SSH2: variants seen among roughly 807,000 people sequenced by gnomAD.
The protein encoded by SSH2 is slingshot protein phosphatase 2, also known as protein phosphatase Slingshot homolog 2.
Under a neutral mutation model 135.2 loss-of-function variants are expected in SSH2, and 37 were observed. The observed-to-expected ratio is 0.27, with a 90% confidence interval of 0.21 to 0.36. The LOEUF (loss-of-function observed/expected upper bound fraction) is 0.36, where lower values mean the gene tolerates loss of function less well. Ranked by LOEUF, SSH2 falls within the 10% of genes least tolerant of loss-of-function variation. SSH2 has a pLI of 1.00. For missense variants in SSH2, 1,408 were observed against 1,765.3 expected (o/e 0.80, Z 3.63); for synonymous variants, 628 against 646.2 (o/e 0.97, Z 0.43).
intron 8 of SSH2, chr17:29,674,066 GCATATTGGCAAATCA>G (rs1216419951): frequency 2.2e-6 from 1 of 456,572 alleles, no homozygotes. Flanking sequence ...AAATGATAAG[GCATATTGGCAAATCA>G]CTCTCCAGAA....
chr17:29,761,840 C>CGTGTGT (rs777352798), intron 3 of SSH2, among the ~76,000 whole-genome samples: 14,211 of 131,604 alleles, frequency 0.11, 895 homozygotes, highest in Non-Finnish European at 0.12. Flanking sequence ...CACTCACATA[C>CGTGTGT]ATATGTGTGT....
intron 3 of SSH2, among the ~76,000 whole-genome samples, chr17:29,761,843 A>ATGTGTGTGTGTGTGTGTG (rs752691137): frequency 1.1e-3 from 158 of 142,504 alleles, no homozygotes; most frequent in African/African-American, 4.2e-3. Flanking sequence ...TCACATACAT[A>ATGTGTGTGTGTGTGTGTG]TGTGTGTGTG....
At chr17:29,854,673 C>T (rs2065629935) in intron 1 of SSH2, among the ~76,000 whole-genome samples, 1 of 151,908 alleles carries the variant, frequency 6.6e-6, no homozygotes, top group Non-Finnish European at 1.5e-5. Flanking sequence ...AGAGGCCGGG[C>T]ACGGTGGCTC....
chr17:29,715,493 C>T (rs1167098596), intron 3 of SSH2, among the ~76,000 whole-genome samples: 7 of 152,024 alleles, frequency 4.6e-5, no homozygotes, highest in Non-Finnish European at 1.0e-4. Flanking sequence ...GATCCACCTG[C>T]CTCAGCCTCC....
chr17:29,811,359 G>A (rs375202670), intron 2 of SSH2, among the ~76,000 whole-genome samples: 20 of 151,676 alleles, frequency 1.3e-4, no homozygotes, highest in East Asian at 5.8e-4. Context: ...GGTTATTGCC[G>A]GCAATATACA....
intron 3 of SSH2, among the ~76,000 whole-genome samples, chr17:29,772,387 AG>A (rs1194934900): frequency 6.6e-6 from 1 of 151,882 alleles, no homozygotes; most frequent in Non-Finnish European, 1.5e-5. Flanking sequence ...CTGGGACTAC[AG>A]GCGCCCACCA....
chr17:29,883,980 A>G (rs118173775), intron 1 of SSH2, among the ~76,000 whole-genome samples: 46 of 152,188 alleles, frequency 3.0e-4, no homozygotes, highest in Non-Finnish European at 5.6e-4. Flanking sequence ...GTTTCTTTAC[A>G]TACATATATA....
At chr17:29,724,542 AAAAAC>A (rs1300607792) in intron 3 of SSH2, among the ~76,000 whole-genome samples, 4 of 149,464 alleles carry the variant, frequency 2.7e-5, no homozygotes, top group South Asian at 2.1e-4. Context: ...AAAAAAAAAA[AAAAAC>A]AAAACCCTAT....
intron 3 of SSH2, among the ~76,000 whole-genome samples, chr17:29,740,481 C>T (rs893052532): frequency 2.3e-4 from 35 of 151,412 alleles, no homozygotes; most frequent in African/African-American, 7.8e-4. Flanking sequence ...GCCATAGGTG[C>T]CTATGGATAC....
intron 8 of SSH2, 63 bp downstream of exon 8, chr17:29,676,757 C>A: frequency 7.4e-7 from 1 of 1,342,852 alleles, no homozygotes; most frequent in East Asian, 2.3e-5. Flanking sequence ...TCAAACATTT[C>A]TTACAAAATA....
chr17:29,854,577 A>G (rs538642791), intron 1 of SSH2, among the ~76,000 whole-genome samples: 1 of 151,902 alleles, frequency 6.6e-6, no homozygotes, highest in East Asian at 1.9e-4. Flanking sequence ...CTCATGTACT[A>G]AGAAGGAGGT....
At chr17:29,683,891 T>A (rs1489744348) in intron 6 of SSH2, among the ~76,000 whole-genome samples, 2 of 151,694 alleles carry the variant, frequency 1.3e-5, no homozygotes. Context: ...GAGGCCGTAG[T>A]GAGCTGTGAC....
At position 29,793,955 on chromosome 17, in the gene SSH2, G is replaced by GA. The variant is rs554939632; in HGVS notation, c.145-19dup. The stretch of plus-strand genomic sequence containing the variant: ...TCTGCCTCCTGTATAGACAGAAAAT[G>GA]AAAAAAAAAATTAAAACCTGAGGTT... On this transcript the variant is annotated intron_variant, in intron 2 of 15. Coordinates refer to ENST00000540801, the MANE Select transcript of SSH2 (RefSeq NM_001282129.2). 6.7e-3 allele frequency: 10,003 copies of GA among 1,494,984 alleles called. 5 individuals are homozygous for GA. Among genetic ancestry groups the GA allele is most frequent in the Non-Finnish European group, 7.9e-3 (8,692 of 1,099,918 alleles). The allele number at this position is 1,494,984 out of a possible 1,614,324, so 92.6% of individuals were successfully genotyped here.
intron 3 of SSH2, among the ~76,000 whole-genome samples, chr17:29,781,324 A>G (rs2041835451): frequency 6.6e-6 from 1 of 152,144 alleles, no homozygotes; most frequent in South Asian, 2.1e-4. Flanking sequence ...TATCTCAAAG[A>G]TAAAAAATAA....
At chr17:29,685,117 T>G (rs2151079240) in intron 5 of SSH2, among the ~76,000 whole-genome samples, 1 of 152,338 alleles carries the variant, frequency 6.6e-6, no homozygotes, top group South Asian at 2.1e-4. Context: ...ACTATTAGCA[T>G]CATCTAAGGG....
intron 2 of SSH2, among the ~76,000 whole-genome samples, chr17:29,839,761 A>C (rs2043006458): frequency 6.6e-6 from 1 of 152,236 alleles, no homozygotes; most frequent in Non-Finnish European, 1.5e-5. Flanking sequence ...TCACTACTGC[A>C]TTTGACCCTG....
chr17:29,773,485 CTT>C (rs1343819843), intron 3 of SSH2, among the ~76,000 whole-genome samples: 2 of 152,176 alleles, frequency 1.3e-5, no homozygotes, highest in East Asian at 3.8e-4. Context: ...TTTTGACTCT[CTT>C]TTCTGAAGAC....
At chr17:29,655,377 A>G (rs901941939) in intron 12 of SSH2, among the ~76,000 whole-genome samples, 184 bp downstream of exon 12, 4 of 152,188 alleles carry the variant, frequency 2.6e-5, no homozygotes, top group African/African-American at 9.7e-5. Flanking sequence ...TGCTGGGATT[A>G]TAGGCGTGAG....
intron 14 of SSH2, among the ~76,000 whole-genome samples, chr17:29,640,996 C>T (rs1192594729): frequency 3.3e-5 from 5 of 151,964 alleles, no homozygotes; most frequent in Non-Finnish European, 7.4e-5. Flanking sequence ...ATTTATTTCC[C>T]TTCTGTTGGT....
Sources: allele counts gnomAD v4.1 joint callset (sites outside exome capture counted in the v4.1 genomes callset), GRCh38; gene constraint gnomAD v4.1.1; transcripts MANE v1.5; gene names NCBI Gene and HGNC (gene_info 2026-07-23, HGNC 2026-07-21).